NBPF3: variants seen among roughly 807,000 people sequenced by gnomAD.
NBPF3 encodes the protein NBPF family member NBPF3.
Under a neutral mutation model 78.1 loss-of-function variants are expected in NBPF3, and 57 were observed. The ratio of observed to expected loss-of-function variants is 0.73; its 90% CI spans 0.59 to 0.91. The LOEUF (loss-of-function observed/expected upper bound fraction) is 0.91, where lower values mean the gene tolerates loss of function less well. Ranked by LOEUF, NBPF3 falls within the 40% of genes least tolerant of loss-of-function variation. The pLI is 0.00. For synonymous variants in NBPF3, 182 were observed against 271.7 expected (o/e 0.67, Z 3.25); for missense variants, 510 against 715.3 (o/e 0.71, Z 3.27).
chr1:21,475,860 T>C (rs1406088441), intron 8 of NBPF3, among the ~76,000 whole-genome samples: 1 of 152,176 alleles, frequency 6.6e-6, no homozygotes, highest in Non-Finnish European at 1.5e-5. Context: ...CTGTCAAATA[T>C]TGACAGTGGG....
Position 21,447,249 on chromosome 1 carries a change from C to T in NBPF3, c.133+2030C>T, listed in dbSNP as rs539542738. On this transcript the variant is annotated intron_variant, in intron 2 of 14. Coordinates refer to ENST00000318249, the MANE Select transcript of NBPF3 (RefSeq NM_032264.6). ...TCCATTGGTTACAATTGATGAACCA[C>T]TGTTGATACATCATTATCCCCTAAA... Among the ~76,000 whole-genome samples, 5 of 152,344 alleles carry T rather than the reference C, an allele frequency of 3.3e-5. No homozygotes were observed. In the South Asian group the frequency reaches 1.0e-3, roughly 32 times the overall value.
At chr1:21,457,186 G>GTGTA (rs1553390232) in intron 2 of NBPF3, among the ~76,000 whole-genome samples, 3 of 151,590 alleles carry the variant, frequency 2.0e-5, no homozygotes, top group African/African-American at 7.3e-5. Flanking sequence ...GTGTGTGTGT[G>GTGTA]TGTATGTATG....
Position 21,468,855 on chromosome 1 carries a change from AC to A in NBPF3, c.302del (p.Thr101IlefsTer23), listed in dbSNP as rs762866593. ...AAACCTCAAACAGAAATGTCTTGTAACTCAAGTGGCCTACTTCCTGGCCAAC... is the reference window on the plus strand; with the variant it reads ...AAACCTCAAACAGAAATGTCTTGTAATCAAGTGGCCTACTTCCTGGCCAAC... ...FRNLKQKCLV[T>X]QVAYFLANRQ... On this transcript the variant is annotated frameshift_variant, in exon 3 of 15. Coordinates refer to ENST00000318249, the MANE Select transcript of NBPF3 (RefSeq NM_032264.6). LOFTEE classifies it high-confidence loss of function. 16 of 1,614,190 alleles carry A rather than the reference AC, an allele frequency of 9.9e-6. No individual in the cohort carries two copies. Among genetic ancestry groups the A allele is most frequent in the Non-Finnish European group, 1.4e-5 (16 of 1,180,028 alleles).
chr1:21,454,404 G>C (rs1199195129), intron 2 of NBPF3: 2 of 152,134 alleles, frequency 1.3e-5, no homozygotes, highest in Non-Finnish European at 2.9e-5. Context: ...CCAGTTCAGA[G>C]ACTTGGAGCT....
intron 2 of NBPF3, chr1:21,446,146 G>A (rs1640957046): frequency 6.6e-6 from 1 of 152,324 alleles, no homozygotes; most frequent in South Asian, 2.1e-4. Flanking sequence ...GTAGCTTCTG[G>A]AGTGGACAGG....
At chr1:21,459,653 CA>C in intron 2 of NBPF3, 1 of 305,492 alleles carries the variant, frequency 3.3e-6, no homozygotes, top group Non-Finnish European at 6.8e-6. Flanking sequence ...GGGGAAGGAA[CA>C]AAGGAGGTCA....
intron 2 of NBPF3, among the ~76,000 whole-genome samples, chr1:21,458,454 C>T (rs1641762528): frequency 6.6e-6 from 1 of 151,270 alleles, no homozygotes; most frequent in South Asian, 2.1e-4. Flanking sequence ...TTAGTGAGAC[C>T]TGGCCTGCCA....
chr1:21,438,637 G>C (rs1344367011), upstream of NBPF3, among the ~76,000 whole-genome samples: 1 of 152,160 alleles, frequency 6.6e-6, no homozygotes, highest in Non-Finnish European at 1.5e-5. Context: ...CCTGTTCTAA[G>C]CAGTCCATGG....
upstream of NBPF3, chr1:21,436,811 T>C (rs1640435164): frequency 1.9e-6 from 2 of 1,049,456 alleles, no homozygotes; most frequent in Non-Finnish European, 2.4e-6. The surrounding 1 kb of genome is among the most constrained non-coding windows in gnomAD (Gnocchi z 4.3). Context: ...CAGGTCCAGG[T>C]AGGAAGGGGC....
intron 5 of NBPF3, 121 bp downstream of exon 5, chr1:21,471,904 G>C: frequency 2.3e-6 from 3 of 1,279,824 alleles, no homozygotes; most frequent in South Asian, 1.3e-5. Context: ...GTATGTGGCC[G>C]TGACATAAGT....
At chr1:21,461,602 C>T (rs112865759) in intron 2 of NBPF3, among the ~76,000 whole-genome samples, 17,356 of 152,182 alleles carry the variant, frequency 0.11, 1,341 homozygotes, top group South Asian at 0.32. Flanking sequence ...GCTGGGATTA[C>T]AGGCACCTGC....
chr1:21,443,705 TC>T (rs1007451098), intron 1 of NBPF3, among the ~76,000 whole-genome samples: 3 of 151,896 alleles, frequency 2.0e-5, no homozygotes, highest in African/African-American at 7.3e-5. Flanking sequence ...CCTTGATCTC[TC>T]AGGCTCAAGC....
intron 3 of NBPF3, among the ~76,000 whole-genome samples, chr1:21,469,897 C>G (rs924068026): frequency 6.6e-6 from 1 of 152,190 alleles, no homozygotes; most frequent in African/African-American, 2.4e-5. Context: ...CTTGTCTTGT[C>G]TGTCCCTCAG....
chr1:21,469,009 G>A, intron 3 of NBPF3, 112 bp downstream of exon 3: 1 of 861,254 alleles, frequency 1.2e-6, no homozygotes, highest in Non-Finnish European at 1.8e-6. Flanking sequence ...CATACTTCTA[G>A]GAAAATAGAA....
rs1327140469 is a variant in NBPF3, at chr1:21,478,230, C to T, written c.1079C>T (p.Ser360Phe). The change falls in exon 9 of 15, where the codon TCT (serine) becomes TTT (phenylalanine). Residue 360 changes from serine (S) to phenylalanine (F), a missense_variant. Ser to Phe is a radical substitution (Grantham distance 155, BLOSUM62 -2). Around this residue, in one of 5 missense-constraint regions of NBPF3, gnomAD observed 440 missense variants for 478.2 expected, o/e 0.92. Transcript: ENST00000318249. ...DWTLSIPPDM[S>F]ASYQSDRSTF... is the part of the protein sequence containing the mutation. ...ACTCTCTCAATTCCTCCTGACATGT[C>T]TGCCTCATACCAGTCTGACAGGAGC... 6.2e-7 allele frequency: 1 copy of T among 1,614,218 alleles called. No homozygotes were observed. The highest frequency in any genetic ancestry group is 1.1e-5 in the South Asian group (1 of 91,082).
Position 21,474,960 on chromosome 1 carries a change from A to AT in NBPF3, c.992+10dup. 1 of 1,600,912 alleles carries AT rather than the reference A, an allele frequency of 6.2e-7. No homozygotes were observed. The highest frequency in any genetic ancestry group is 1.7e-5 in the Admixed American group (1 of 59,494). ...GGGCCAGTGTCTCCCAGGTAATGCC[A>AT]TGGAATTGTGGGCTGTTAATTCAAT... On this transcript the variant is annotated intron_variant, in intron 8 of 14. Transcript: ENST00000318249.
At chr1:21,465,088 T>C (rs1448174518) in intron 2 of NBPF3, among the ~76,000 whole-genome samples, 1 of 149,300 alleles carries the variant, frequency 6.7e-6, no homozygotes, top group Non-Finnish European at 1.5e-5. Flanking sequence ...TGTGAGGAAA[T>C]GTGTTAGATG....
At chr1:21,474,068 T>C (rs1642755007) in intron 7 of NBPF3, among the ~76,000 whole-genome samples, 1 of 152,194 alleles carries the variant, frequency 6.6e-6, no homozygotes, top group Non-Finnish European at 1.5e-5. Context: ...GGACAGAAAC[T>C]TTTCTTTTTT....
Position 21,471,603 on chromosome 1 carries a change from G to A in NBPF3, c.481G>A (p.Glu161Lys). ...AGTCCTGGTTCACTCTCAGGAACGAGAGCTGACCCAGTTAAGGGAGAAGTT... is the reference window on the plus strand; with the variant it reads ...AGTCCTGGTTCACTCTCAGGAACGAAAGCTGACCCAGTTAAGGGAGAAGTT... ...YKVLVHSQER[E>K]LTQLREKLQE... Residue 161 changes from glutamate to lysine, a missense_variant, in exon 5 of 15, where the codon GAG (glutamate) becomes AAG (lysine). Around this residue, in one of 5 missense-constraint regions of NBPF3, gnomAD observed 440 missense variants for 478.2 expected, o/e 0.92. Coordinates refer to ENST00000318249, the MANE Select transcript of NBPF3 (RefSeq NM_032264.6). The A allele has an allele frequency of 6.2e-7, 1 of 1,612,198 alleles. No individual in the cohort carries two copies.
Sources: allele counts gnomAD v4.1 joint callset (sites outside exome capture counted in the v4.1 genomes callset), GRCh38; gene constraint gnomAD v4.1.1; regional missense constraint gnomAD v4.1.1; non-coding constraint Gnocchi (gnomAD v3.1); transcripts MANE v1.5; gene names NCBI Gene and HGNC (gene_info 2026-07-23, HGNC 2026-07-21).